CTNND2: variants seen among roughly 807,000 people sequenced by gnomAD.
CTNND2 encodes catenin delta 2.
CTNND2 carries 22 observed loss-of-function variants against 144.4 expected under a neutral mutation model. The ratio of observed to expected loss-of-function variants is 0.15; its 90% CI spans 0.11 to 0.22. CTNND2 has a LOEUF of 0.22. Ranked by LOEUF, CTNND2 falls within the 10% of genes least tolerant of loss-of-function variation. The pLI is 1.00. For missense variants in CTNND2, 1,353 were observed against 1,618.8 expected, an observed-to-expected ratio of 0.84 and a Z score of 2.82; for synonymous variants, 751 against 695.6, an observed-to-expected ratio of 1.08 and a Z score of -1.25.
At chr5:11,100,707 T>A (rs1301010097) in intron 14 of CTNND2, among the ~76,000 whole-genome samples, 1 of 152,216 alleles carries the variant, frequency 6.6e-6, no homozygotes, top group Admixed American at 6.5e-5. Context: ...AAGCAATTAT[T>A]TTCATATAAA....
intron 11 of CTNND2, among the ~76,000 whole-genome samples, chr5:11,160,384 GAGA>G (rs1306061612): frequency 5.3e-5 from 8 of 152,226 alleles, no homozygotes; most frequent in Non-Finnish European, 1.2e-4. Context: ...AGGGAGAGGT[GAGA>G]AGAAGAGGGC....
chr5:11,186,902 A>C (rs1172444447), intron 11 of CTNND2, among the ~76,000 whole-genome samples: 1 of 152,184 alleles, frequency 6.6e-6, no homozygotes, highest in Non-Finnish European at 1.5e-5. Context: ...CCTTACATCC[A>C]ACCTCACAGG....
At chr5:11,602,452 G>T (rs1779840337) in intron 2 of CTNND2, among the ~76,000 whole-genome samples, 1 of 151,512 alleles carries the variant, frequency 6.6e-6, no homozygotes, top group South Asian at 2.1e-4. Flanking sequence ...CACCCTCTTG[G>T]CAGTTGAAGC....
At chr5:11,179,080 T>G (rs1760751108) in intron 11 of CTNND2, among the ~76,000 whole-genome samples, 1 of 152,146 alleles carries the variant, frequency 6.6e-6, no homozygotes, top group Non-Finnish European at 1.5e-5. Context: ...CTACAGTCTC[T>G]TGGATGGACA....
At chr5:11,373,276 TATGTTGCTC>T (rs1757625637) in intron 7 of CTNND2, among the ~76,000 whole-genome samples, 1 of 152,186 alleles carries the variant, frequency 6.6e-6, no homozygotes, top group Non-Finnish European at 1.5e-5. Flanking sequence ...AGGGTCTCAC[TATGTTGCTC>T]AAGCTGGTCT....
At chr5:11,394,489 TG>T (rs993272226) in intron 6 of CTNND2, among the ~76,000 whole-genome samples, 1 of 152,122 alleles carries the variant, frequency 6.6e-6, no homozygotes, top group African/African-American at 2.4e-5. Flanking sequence ...GTGCTGGCAG[TG>T]GGGAAAGGAT....
intron 16 of CTNND2, among the ~76,000 whole-genome samples, chr5:11,068,691 G>A (rs944775292): frequency 3.3e-5 from 5 of 152,158 alleles, no homozygotes; most frequent in South Asian, 2.1e-4. Context: ...CGAGGCGGGC[G>A]GATCACGAGG....
In CTNND2 at chr5:11,641,669, CGTGTGT is replaced by C. The variant is rs1782021832; in HGVS notation, c.175-76619_175-76614del. Among the ~76,000 whole-genome samples the C allele has an allele frequency of 8.2e-5, 10 of 122,340 alleles. No homozygotes were observed. In the East Asian group the frequency reaches 1.1e-3, roughly 13 times the overall value. The allele number at this position is 122,340 out of a possible 152,430, so 80.3% of individuals were successfully genotyped here. A position where few individuals can be genotyped will look rare whatever the true frequency, so the allele number is the denominator to read the frequency against. On this transcript the variant is annotated intron_variant, in intron 2 of 21. Transcript: ENST00000304623. ...ACATATACGTGTGTATATACATATA[CGTGTGT>C]ATATACATATACGTGTGTGTATATA...
chr5:11,844,317 C>T (rs544468367), intron 1 of CTNND2, among the ~76,000 whole-genome samples: 5 of 152,086 alleles, frequency 3.3e-5, no homozygotes, highest in South Asian at 2.1e-4. Context: ...AGAGATCTAA[C>T]GTGAGTGCAT....
chr5:11,510,099 TTTTTA>T (rs767748486), intron 3 of CTNND2, among the ~76,000 whole-genome samples: 3 of 151,980 alleles, frequency 2.0e-5, no homozygotes, highest in Non-Finnish European at 4.4e-5. Context: ...CTTGGCAAAT[TTTTTA>T]TTTTATTTTA....
intron 9 of CTNND2, among the ~76,000 whole-genome samples, chr5:11,304,255 C>T (rs1240777687): frequency 1.3e-5 from 2 of 152,028 alleles, no homozygotes; most frequent in Non-Finnish European, 2.9e-5. Context: ...AAATGTTGCA[C>T]AAACCGTTTC....
At chr5:11,240,210 C>T (rs1337320315) in intron 9 of CTNND2, among the ~76,000 whole-genome samples, 1 of 113,280 alleles carries the variant, frequency 8.8e-6, no homozygotes, top group Non-Finnish European at 1.8e-5. Flanking sequence ...CACACACCCC[C>T]AACACACACA....
chr5:11,325,484 GA>G (rs1398100307), intron 9 of CTNND2, among the ~76,000 whole-genome samples: 1 of 151,988 alleles, frequency 6.6e-6, no homozygotes, highest in African/African-American at 2.4e-5. Flanking sequence ...TTATTTTATT[GA>G]AAAATACATC....
At chr5:11,135,781 C>T (rs1756082471) in intron 12 of CTNND2, among the ~76,000 whole-genome samples, 1 of 152,172 alleles carries the variant, frequency 6.6e-6, no homozygotes, top group Non-Finnish European at 1.5e-5. Flanking sequence ...TGACACTCTC[C>T]TACATGCACT....
chr5:11,795,970 G>A (rs1372867640), intron 1 of CTNND2, among the ~76,000 whole-genome samples: 2 of 152,150 alleles, frequency 1.3e-5, no homozygotes, highest in African/African-American at 2.4e-5. Context: ...CTGTTTCCTT[G>A]TCTTTTCCAG....
chr5:11,250,504 TATATATATAC>T lies in CTNND2; in HGVS notation c.1629-13691_1629-13682del, dbSNP rs1426107374. On this transcript the variant is annotated intron_variant, in intron 9 of 21. Coordinates refer to ENST00000304623, the MANE Select transcript of CTNND2 (RefSeq NM_001332.4). ...CTCTCTCTCTCTCTATATATATATA[TATATATATAC>T]ATATATTTTTTTTTTTTTTTAGAGA... is the stretch of plus-strand genomic sequence containing the variant. Among the ~76,000 whole-genome samples, 171 of 100,302 alleles carry T rather than the reference TATATATATAC, an allele frequency of 1.7e-3. 4 individuals are homozygous for T. The highest frequency in any genetic ancestry group is 5.4e-3 in the Admixed American group (47 of 8,706). The allele number at this position is 100,302 out of a possible 152,430, so 65.8% of individuals were successfully genotyped here. A position where few individuals can be genotyped will look rare whatever the true frequency, so the allele number is the denominator to read the frequency against.
intron 2 of CTNND2, among the ~76,000 whole-genome samples, chr5:11,706,801 GT>G (rs1210136710): frequency 1.3e-5 from 2 of 152,042 alleles, no homozygotes; most frequent in African/African-American, 4.8e-5. Context: ...AAATAAGGAA[GT>G]AAGGCCAGCG....
chr5:11,188,643 C>A (rs1211235591), intron 11 of CTNND2, among the ~76,000 whole-genome samples: 1 of 152,110 alleles, frequency 6.6e-6, no homozygotes, highest in Non-Finnish European at 1.5e-5. Flanking sequence ...AAAACAAATA[C>A]TGTATATGGA....
At chr5:11,305,219 G>T (rs538223573) in intron 9 of CTNND2, among the ~76,000 whole-genome samples, 18 of 152,134 alleles carry the variant, frequency 1.2e-4, no homozygotes, top group African/African-American at 4.3e-4. Flanking sequence ...TACCATCTCC[G>T]TTTGACAGAT....
Sources: gnomAD v4.1 joint callset for allele counts (sites outside exome capture counted in the v4.1 genomes callset) on GRCh38, gnomAD v4.1.1 for gene constraint, MANE v1.5 for transcripts, NCBI Gene and HGNC (gene_info 2026-07-23, HGNC 2026-07-21) for gene names.